SEZ6L: variants seen among roughly 807,000 people sequenced by gnomAD.
SEZ6L encodes seizure related 6 homolog like, also known as seizure 6-like protein.
Under a neutral mutation model 106.2 loss-of-function variants are expected in SEZ6L, and 37 were observed. The observed-to-expected ratio is 0.35, with a 90% CI of 0.27 to 0.46. SEZ6L has a LOEUF of 0.46. Ranked by LOEUF, SEZ6L falls within the 20% of genes least tolerant of loss-of-function variation. The pLI, the probability that SEZ6L is intolerant of heterozygous loss-of-function variation, is 1.00. For synonymous variants in SEZ6L, 541 were observed against 570.4 expected (o/e 0.95, Z 0.73); for missense variants, 1,172 against 1,332.8 (o/e 0.88, Z 1.88).
At chr22:26,224,224 A>G (rs2078569637) in intron 1 of SEZ6L, among the ~76,000 whole-genome samples, 1 of 152,224 alleles carries the variant, frequency 6.6e-6, no homozygotes, top group Non-Finnish European at 1.5e-5. Context: ...GAAGAATTCA[A>G]CTCATGCTGG....
At chr22:26,302,316 T>TA (rs1467191533) in intron 5 of SEZ6L, among the ~76,000 whole-genome samples, 1 of 152,172 alleles carries the variant, frequency 6.6e-6, no homozygotes, top group Non-Finnish European at 1.5e-5. Context: ...CATATGCACA[T>TA]TACACCTGGA....
intron 9 of SEZ6L, among the ~76,000 whole-genome samples, chr22:26,326,770 A>AGGCAGAGGTG (rs2082317095): frequency 6.6e-6 from 1 of 152,184 alleles, no homozygotes; most frequent in Non-Finnish European, 1.5e-5. Context: ...CCTGGGAGGA[A>AGGCAGAGGTG]GGCAGAGGTG....
chr22:26,274,584 A>G lies in SEZ6L; in HGVS notation c.95-17822A>G, dbSNP rs1446583258. Among the ~76,000 whole-genome samples the G allele has an allele frequency of 2.0e-5, 3 of 152,216 alleles. No individual in the cohort carries two copies. The East Asian group carries it at 5.8e-4, about 29-fold the overall frequency. Reference sequence around the variant, plus strand: ...GGTCCCCTGGACTACTTCAGCTTCAATAATTCACTAGAAGGACTCAGAACT... The same window carrying G: ...GGTCCCCTGGACTACTTCAGCTTCAGTAATTCACTAGAAGGACTCAGAACT... On this transcript the variant is annotated intron_variant, in intron 1 of 16. Transcript: ENST00000248933.
intron 9 of SEZ6L, among the ~76,000 whole-genome samples, chr22:26,331,236 G>A (rs1378664663): frequency 1.3e-5 from 2 of 152,146 alleles, no homozygotes; most frequent in Non-Finnish European, 2.9e-5. Flanking sequence ...TGGGTTCGCT[G>A]GTCTGTGTCA....
chr22:26,292,912 C>A lies in SEZ6L; in HGVS notation c.601C>A (p.Gln201Lys), dbSNP rs749098160. 1 of 1,614,190 alleles carries A rather than the reference C, an allele frequency of 6.2e-7. No homozygotes were observed. Among genetic ancestry groups the A allele is most frequent in the East Asian group, 2.2e-5 (1 of 44,872 alleles). The change falls in exon 2 of 17, where the codon CAA becomes AAA. Residue 201 changes from glutamine to lysine, a missense_variant. By Grantham distance (53) the Gln-to-Lys change is moderately conservative (BLOSUM62 1). Around this residue, in one of 4 missense-constraint regions of SEZ6L, gnomAD observed 494 missense variants for 445.8 expected, o/e 1.11. Transcript: ENST00000248933. ...GGTCCCTACAACACCCGCACCCCTG[C>A]AAATCTCCCCCTTCACTTCGCAGCC... ...SAVPTTPAPL[Q>K]ISPFTSQPYV...
chr22:26,361,520 AAT>A (rs71734405), intron 12 of SEZ6L, among the ~76,000 whole-genome samples: 4,365 of 123,996 alleles, frequency 0.035, 88 homozygotes, highest in African/African-American at 0.07. Context: ...AAAAAAAAAA[AAT>A]ATATATATAT....
intron 9 of SEZ6L, among the ~76,000 whole-genome samples, chr22:26,321,693 G>A (rs551467961): frequency 9.2e-5 from 14 of 152,316 alleles, no homozygotes; most frequent in African/African-American, 3.4e-4. Context: ...ACCAATTTGG[G>A]TTTGATAGTA....
At chr22:26,347,691 A>G (rs781230029) in intron 10 of SEZ6L, 28 bp from the exon 11 acceptor site, 15 of 1,581,750 alleles carry the variant, frequency 9.5e-6, no homozygotes, top group African/African-American at 1.4e-5. Flanking sequence ...TGCTTCCCCC[A>G]TCTAAGACTG....
At chr22:26,245,679 C>T (rs188220685) in intron 1 of SEZ6L, among the ~76,000 whole-genome samples, 151 of 152,296 alleles carry the variant, frequency 9.9e-4, no homozygotes, top group Non-Finnish European at 1.8e-3. Flanking sequence ...GCTCTTAGAA[C>T]ACCAGGTCCT....
At chr22:26,294,938 T>G (rs1215381989) in intron 3 of SEZ6L, among the ~76,000 whole-genome samples, 2 of 67,698 alleles carry the variant, frequency 3.0e-5, no homozygotes, top group African/African-American at 1.1e-4. Context: ...TCTTTCTCTT[T>G]CTTTCTTTCT....
chr22:26,259,197 G>T (rs2079920700), intron 1 of SEZ6L, among the ~76,000 whole-genome samples: 1 of 152,110 alleles, frequency 6.6e-6, no homozygotes, highest in African/African-American at 2.4e-5. Context: ...ATGAGAGAAA[G>T]AAAAGAGCTT....
At chr22:26,234,266 C>G (rs1302614245) in intron 1 of SEZ6L, among the ~76,000 whole-genome samples, 1 of 152,114 alleles carries the variant, frequency 6.6e-6, no homozygotes, top group Admixed American at 6.5e-5. Flanking sequence ...GAATTGGAAC[C>G]CAGGTTTGTG....
At chr22:26,286,614 G>C (rs974869846) in intron 1 of SEZ6L, among the ~76,000 whole-genome samples, 2 of 151,928 alleles carry the variant, frequency 1.3e-5, no homozygotes, top group African/African-American at 2.4e-5. Context: ...CCCAGCTCTC[G>C]TTTCTTCACT....
At chr22:26,310,509 C>T (rs1201718223) in intron 6 of SEZ6L, among the ~76,000 whole-genome samples, 161 bp from the exon 7 acceptor site, 2 of 151,732 alleles carry the variant, frequency 1.3e-5, no homozygotes, top group African/African-American at 2.4e-5. Flanking sequence ...GAACTCCAGG[C>T]TGGGCAACAA....
chr22:26,243,023 G>A (rs1227740198), intron 1 of SEZ6L, among the ~76,000 whole-genome samples: 1 of 152,188 alleles, frequency 6.6e-6, no homozygotes, highest in African/African-American at 2.4e-5. Flanking sequence ...TCTGGTGTTT[G>A]CCTTGCAACC....
chr22:26,322,230 C>T (rs1255898071), intron 9 of SEZ6L, among the ~76,000 whole-genome samples: 1 of 152,106 alleles, frequency 6.6e-6, no homozygotes, highest in Non-Finnish European at 1.5e-5. Flanking sequence ...TTATCATTAC[C>T]ACTTTATGGG....
intron 1 of SEZ6L, among the ~76,000 whole-genome samples, chr22:26,233,062 C>T (rs922551888): frequency 1.3e-5 from 2 of 152,254 alleles, no homozygotes; most frequent in African/African-American, 4.8e-5. Flanking sequence ...ACAAATTTTC[C>T]ATTCAAAACC....
At chr22:26,280,733 C>A (rs1210782108) in intron 1 of SEZ6L, among the ~76,000 whole-genome samples, 1 of 152,122 alleles carries the variant, frequency 6.6e-6, no homozygotes. Context: ...CCAAGGGAAA[C>A]CTGGTGTTCA....
intron 12 of SEZ6L, among the ~76,000 whole-genome samples, chr22:26,358,206 A>T (rs1454044830): frequency 1.3e-5 from 2 of 152,144 alleles, no homozygotes. Flanking sequence ...ATCCATGATA[A>T]CCCTAGGGGA....
Sources: gnomAD v4.1 joint callset for allele counts (sites outside exome capture counted in the v4.1 genomes callset) on GRCh38, gnomAD v4.1.1 for gene constraint, gnomAD v4.1.1 regional missense constraint, MANE v1.5 for transcripts, NCBI Gene and HGNC (gene_info 2026-07-23, HGNC 2026-07-21) for gene names.